The following TMTC1 variants were observed in gnomAD, a reference collection of about 807,000 sequenced individuals.
TMTC1 encodes transmembrane O-mannosyltransferase targeting cadherins 1.
A neutral mutation model predicts 104.8 loss-of-function variants in TMTC1; 73 were observed. That is an observed-to-expected ratio of 0.70 (90% CI 0.58 to 0.85). The LOEUF (loss-of-function observed/expected upper bound fraction) is 0.85. Ranked by LOEUF, TMTC1 falls within the 40% of genes least tolerant of loss-of-function variation. TMTC1 has a pLI of 0.00. For synonymous variants in TMTC1, 434 were observed against 428.7 expected, an observed-to-expected ratio of 1.01 and a Z score of -0.15; for missense variants, 1,035 against 1,096.1, an observed-to-expected ratio of 0.94 and a Z score of 0.79.
At chr12:29,600,230 T>C (rs1044063394) in intron 7 of TMTC1, among the ~76,000 whole-genome samples, 2 of 152,058 alleles carry the variant, frequency 1.3e-5, no homozygotes, top group Non-Finnish European at 2.9e-5. Flanking sequence ...GGGATGCCTA[T>C]AGCATCTGTA....
At chr12:29,722,916 G>A (rs1657430669) in intron 5 of TMTC1, among the ~76,000 whole-genome samples, 1 of 62,864 alleles carries the variant, frequency 1.6e-5, no homozygotes, top group African/African-American at 4.5e-5. Context: ...GCAAGACTCT[G>A]TCTCAAAAAA....
At chr12:29,719,000 A>G (rs1243123768) in intron 5 of TMTC1, among the ~76,000 whole-genome samples, 2 of 152,074 alleles carry the variant, frequency 1.3e-5, no homozygotes, top group Non-Finnish European at 1.5e-5. Context: ...GTAGATAAAT[A>G]AAAAGAAATG....
chr12:29,506,553 G>C lies in TMTC1; in HGVS notation c.*293C>G. ...GATCTCCAGGTCTCAAAAGCACAGA[G>C]ATATATCAAGAGAAATCTGGAGTTA... On this transcript the variant is annotated 3_prime_UTR_variant, in exon 18 of 18. Transcript: ENST00000539277. The C allele has an allele frequency of 2.9e-6, 1 of 343,620 alleles. No individual in the cohort carries two copies. Among genetic ancestry groups the C allele is most frequent in the Non-Finnish European group, 5.4e-6 (1 of 184,402 alleles). The allele number at this position is 343,620 out of a possible 1,614,324, so 21.3% of individuals were successfully genotyped here.
chr12:29,674,548 AG>A (rs1371746740), intron 5 of TMTC1, among the ~76,000 whole-genome samples: 1 of 152,240 alleles, frequency 6.6e-6, no homozygotes, highest in Non-Finnish European at 1.5e-5. Flanking sequence ...ATATTTTCCT[AG>A]AAGACAAAGC....
chr12:29,690,049 A>G (rs903024613), intron 5 of TMTC1, among the ~76,000 whole-genome samples: 1 of 152,246 alleles, frequency 6.6e-6, no homozygotes, highest in Non-Finnish European at 1.5e-5. Flanking sequence ...CAATCAGATA[A>G]TGAAATAAAT....
chr12:29,695,830 A>ATAC (rs1555188384), intron 5 of TMTC1, among the ~76,000 whole-genome samples: 1 of 66,010 alleles, frequency 1.5e-5, no homozygotes, highest in Non-Finnish European at 4.2e-5. Flanking sequence ...TATATATATA[A>ATAC]CCTGTCTTCA....
At chr12:29,711,981 T>C (rs185984385) in intron 5 of TMTC1, among the ~76,000 whole-genome samples, 54 of 118,344 alleles carry the variant, frequency 4.6e-4, no homozygotes, top group African/African-American at 1.7e-3. Context: ...CACTCCAGCC[T>C]GGGAGACAGA....
At chr12:29,517,746 C>T (rs1053053575) in intron 13 of TMTC1, among the ~76,000 whole-genome samples, 175 bp from the exon 14 acceptor site, 4 of 151,936 alleles carry the variant, frequency 2.6e-5, no homozygotes, top group Non-Finnish European at 5.9e-5. Flanking sequence ...GACAGAGTCT[C>T]ACTCTGTCAC....
intron 5 of TMTC1, among the ~76,000 whole-genome samples, chr12:29,687,548 C>T (rs534887689): frequency 2.7e-5 from 4 of 148,580 alleles, no homozygotes; most frequent in African/African-American, 4.9e-5. Flanking sequence ...ATTAAAACAA[C>T]GGACACAGTC....
intron 5 of TMTC1, among the ~76,000 whole-genome samples, chr12:29,636,889 TA>T (rs77211591): frequency 0.011 from 1,420 of 128,534 alleles, 10 homozygotes; most frequent in African/African-American, 0.031. Context: ...TACAAAAAAT[TA>T]AAAAAAAAAA....
chr12:29,549,656 C>A (rs998435513), intron 10 of TMTC1, among the ~76,000 whole-genome samples: 1 of 151,938 alleles, frequency 6.6e-6, no homozygotes, highest in Non-Finnish European at 1.5e-5. Flanking sequence ...TACGAACATG[C>A]AGGAAATTTT....
At chr12:29,577,347 C>G (rs1945853293) in intron 8 of TMTC1, among the ~76,000 whole-genome samples, 1 of 152,112 alleles carries the variant, frequency 6.6e-6, no homozygotes, top group Non-Finnish European at 1.5e-5. Context: ...GAGATGAGAT[C>G]TACATTTGCC....
intron 1 of TMTC1, among the ~76,000 whole-genome samples, chr12:29,780,452 A>G (rs1661097984): frequency 6.6e-6 from 1 of 152,234 alleles, no homozygotes; most frequent in South Asian, 2.1e-4. Context: ...CAAAATGATA[A>G]TGGAGAACAG....
At chr12:29,765,249 A>G (rs1243943650) in intron 2 of TMTC1, among the ~76,000 whole-genome samples, 1 of 152,208 alleles carries the variant, frequency 6.6e-6, no homozygotes, top group Non-Finnish European at 1.5e-5. Context: ...AATACTTGAA[A>G]GGATCTAACT....
At chr12:29,765,598 A>G (rs913971482) in intron 2 of TMTC1, among the ~76,000 whole-genome samples, 1 of 152,138 alleles carries the variant, frequency 6.6e-6, no homozygotes, top group African/African-American at 2.4e-5. Flanking sequence ...TAAATTTTGT[A>G]TTACTATTCC....
intron 11 of TMTC1, chr12:29,529,814 C>G (rs2288132): frequency 0.19 from 28,936 of 152,042 alleles, 3,126 homozygotes; most frequent in East Asian, 0.38. Context: ...GCATTCTTCC[C>G]CACCAAGGAA....
At position 29,723,426 on chromosome 12, in the gene TMTC1, A is replaced by T. The variant is rs572696883; in HGVS notation, c.938+28240T>A. 2.0e-5 allele frequency among the ~76,000 whole-genome samples: 3 copies of T among 152,342 alleles called. No individual in the cohort carries two copies. The East Asian group carries it at 5.8e-4, about 29-fold the overall frequency. On this transcript the variant is annotated intron_variant, in intron 5 of 17. Coordinates refer to ENST00000539277, the MANE Select transcript of TMTC1 (RefSeq NM_001193451.2). ...ATTAGCATGGAAGACAGAGGAACAC[A>T]AAAGAGAAACCAAGCCAGGAGCAGT...
chr12:29,633,332 G>A lies in TMTC1; in HGVS notation c.943C>T (p.Leu315Phe). Residue 315 changes from leucine (L) to phenylalanine (F), a missense_variant, in exon 6 of 18, where the codon CTC becomes TTC. Leu to Phe is a conservative substitution (Grantham distance 22). Coordinates refer to ENST00000539277, the MANE Select transcript of TMTC1 (RefSeq NM_001193451.2). ...PRAVWSMMRF[L>F]TYSYLLAFNV... ...AAGGCCAAGAGGTAGGAATAGGTGA[G>A]GAATCTATAAAGAGAAGAAGAATCA... 1 of 1,603,392 alleles carries A rather than the reference G, an allele frequency of 6.2e-7. No homozygotes were observed. Among genetic ancestry groups the A allele is most frequent in the East Asian group, 2.2e-5 (1 of 44,654 alleles).
rs149108463 is a variant in TMTC1, at chr12:29,736,121, G to A, written c.938+15545C>T. On this transcript the variant is annotated intron_variant, in intron 5 of 17. Transcript: ENST00000539277. ...GGTGAAGCATAATTTACATGAGATC[G>A]TTATGGGCTCAGAAAGCAGCCAATA... Among the ~76,000 whole-genome samples the A allele has an allele frequency of 6.3e-3, 955 of 152,138 alleles. 5 individuals are homozygous for A. The highest frequency in any genetic ancestry group is 0.014 in the Middle Eastern group (4 of 294).
Sources: gnomAD v4.1 joint callset for allele counts (sites outside exome capture counted in the v4.1 genomes callset) on GRCh38, gnomAD v4.1.1 for gene constraint, MANE v1.5 for transcripts, NCBI Gene and HGNC (gene_info 2026-07-23, HGNC 2026-07-21) for gene names.